PDE4A: variants seen among roughly 807,000 people sequenced by gnomAD.
PDE4A encodes the protein 3',5'-cyclic-AMP phosphodiesterase 4A.
Under a neutral mutation model 73.9 loss-of-function variants are expected in PDE4A, and 21 were observed. The ratio of observed to expected loss-of-function variants is 0.28; its 90% CI spans 0.20 to 0.41. The LOEUF is 0.41. Among genes scored for constraint, PDE4A ranks in the 10% least tolerant of loss-of-function variants. PDE4A has a pLI of 1.00. For synonymous variants in PDE4A, 463 were observed against 505.4 expected, an observed-to-expected ratio of 0.92 and a Z score of 1.13; for missense variants, 958 against 1,211.4, an observed-to-expected ratio of 0.79 and a Z score of 3.10.
intron 1 of PDE4A, chr19:10,431,204 A>G: frequency 1.4e-6 from 1 of 709,288 alleles, no homozygotes; most frequent in Non-Finnish European, 2.1e-6. Flanking sequence ...GTCACATAGC[A>G]GCGATCAAAA....
At position 10,459,712 on chromosome 19, in the gene PDE4A, G is replaced by A. The variant is rs1371888686; in HGVS notation, c.1318G>A (p.Asp440Asn). The A allele has an allele frequency of 1.9e-6, 3 of 1,614,018 alleles. No individual in the cohort carries two copies. Among genetic ancestry groups the A allele is most frequent in the Non-Finnish European group, 1.7e-6 (2 of 1,180,020 alleles). Reference sequence around the variant, plus strand: ...CTACCATAACAGCCTGCACGCAGCTGACGTGCTGCAGTCCACCCACGTACT... The same window carrying A: ...CTACCATAACAGCCTGCACGCAGCTAACGTGCTGCAGTCCACCCACGTACT... ...VAYHNSLHAA[D>N]VLQSTHVLLA... Residue 440 changes from aspartate to asparagine, a missense_variant, in exon 10 of 15, where the codon GAC becomes AAC. By Grantham distance (23) the Asp-to-Asn change is conservative. This residue lies in a region of PDE4A where 570 missense variants were observed against 827.7 expected (regional missense o/e 0.69). Coordinates refer to ENST00000380702, the MANE Select transcript of PDE4A (RefSeq NM_001111307.2).
intron 1 of PDE4A, among the ~76,000 whole-genome samples, chr19:10,440,093 TCC>T (rs1391156864): frequency 1.8e-4 from 27 of 147,266 alleles, no homozygotes; most frequent in African/African-American, 6.7e-4. Context: ...CAAGCAATTC[TCC>T]TGCCTCAGCC....
intron 2 of PDE4A, 155 bp from the exon 3 acceptor site, chr19:10,448,762 C>T (rs2043048671): frequency 1.1e-6 from 1 of 945,530 alleles, no homozygotes; most frequent in African/African-American, 1.8e-5. Context: ...GCCCTGGACA[C>T]ATATCCACCC....
intron 2 of PDE4A, among the ~76,000 whole-genome samples, chr19:10,446,950 G>C (rs113882763): frequency 0.028 from 4,182 of 146,956 alleles, 192 homozygotes; most frequent in African/African-American, 0.1. Context: ...CCAGGCTGGA[G>C]TGCAGTGGTG....
chr19:10,466,128 C>G (rs950523720), intron 14 of PDE4A, among the ~76,000 whole-genome samples: 34 of 150,554 alleles, frequency 2.3e-4, no homozygotes, highest in Non-Finnish European at 3.5e-4. Flanking sequence ...CTCAGCCTCC[C>G]GAGTAGCTGG....
chr19:10,455,877 C>T (rs1430956737), intron 7 of PDE4A, among the ~76,000 whole-genome samples: 1 of 151,992 alleles, frequency 6.6e-6, no homozygotes. Context: ...ACTCAGTAGA[C>T]ACACCCAAAC....
upstream of PDE4A, chr19:10,418,750 A>G: frequency 6.1e-6 from 6 of 984,780 alleles, no homozygotes; most frequent in Non-Finnish European, 4.8e-6. Flanking sequence ...CCCACCTCAC[A>G]TTACGCACTC....
intron 1 of PDE4A, among the ~76,000 whole-genome samples, chr19:10,438,116 CTT>C (rs767841992): frequency 8.4e-5 from 11 of 130,704 alleles, no homozygotes; most frequent in Admixed American, 2.3e-4. Context: ...GCCTCCAAGA[CTT>C]TTTTTTTTTT....
Position 10,439,865 on chromosome 19 carries a change from A to T in PDE4A, c.321-6353A>T, listed in dbSNP as rs1344425062. 3.9e-5 allele frequency among the ~76,000 whole-genome samples: 6 copies of T among 152,204 alleles called. No individual in the cohort carries two copies. In the East Asian group the frequency reaches 1.2e-3, roughly 29 times the overall value. On this transcript the variant is annotated intron_variant, in intron 1 of 14. Coordinates refer to ENST00000380702, the MANE Select transcript of PDE4A (RefSeq NM_001111307.2). ...TCCTGGAGAGAAGGTGGCTCAGGAC[A>T]CAGCTGTCCCCAAAATACCCTCCTT...
chr19:10,433,844 C>T (rs577618361), intron 1 of PDE4A, among the ~76,000 whole-genome samples: 8 of 152,314 alleles, frequency 5.3e-5, no homozygotes, highest in South Asian at 2.1e-4. Flanking sequence ...TGGAAAAGCA[C>T]GGGGAGCCGG....
In PDE4A at chr19:10,467,634, T is replaced by C; in HGVS notation, c.*13T>C. ...AGACCCTACCTGATCCCCAGACCTC[T>C]GTCCCTGTTCCCCTCCACTCCTCCC... On this transcript the variant is annotated 3_prime_UTR_variant, in exon 15 of 15. Transcript: ENST00000380702. 1 of 1,534,126 alleles carries C rather than the reference T, an allele frequency of 6.5e-7. No individual in the cohort carries two copies. The highest frequency in any genetic ancestry group is 1.3e-5 in the South Asian group (1 of 78,936).
chr19:10,461,617 C>T lies in PDE4A; in HGVS notation c.1557C>T (p.Cys519=), dbSNP rs1472671935. The T allele has an allele frequency of 1.9e-6, 3 of 1,612,870 alleles. No homozygotes were observed. In the South Asian group the frequency reaches 3.3e-5, roughly 18 times the overall value. The change falls in exon 12 of 15, where the codon TGC becomes TGT. Residue 519 remains cysteine (C), a synonymous_variant. Coordinates refer to ENST00000380702, the MANE Select transcript of PDE4A (RefSeq NM_001111307.2). ...VGFKLLQEDN[C]DIFQNLSKRQ... ...TCAAGCTGCTGCAGGAGGACAACTG[C>T]GACATCTTCCAGAACCTCAGCAAGC... is the stretch of plus-strand genomic sequence containing the variant.
chr19:10,427,947 A>G, intron 1 of PDE4A: 1 of 587,826 alleles, frequency 1.7e-6, no homozygotes, highest in Non-Finnish European at 2.1e-6. Flanking sequence ...GTGAGCCAAT[A>G]TCATGTCACT....
intron 1 of PDE4A, among the ~76,000 whole-genome samples, chr19:10,428,356 TCGAG>T (rs1568365513): frequency 2.1e-5 from 2 of 97,522 alleles, no homozygotes; most frequent in Non-Finnish European, 4.2e-5. Context: ...AGATCCTGTC[TCGAG>T]AGAGAGAGAG....
At chr19:10,418,917 G>A (rs1236611300), upstream of PDE4A, 2 of 984,922 alleles carry the variant, frequency 2.0e-6, no homozygotes, top group Non-Finnish European at 2.4e-6. Flanking sequence ...GTTCCTGAGA[G>A]AAGTGGGGAA....
At chr19:10,435,017 C>T (rs981698331) in intron 1 of PDE4A, among the ~76,000 whole-genome samples, 4 of 151,702 alleles carry the variant, frequency 2.6e-5, no homozygotes, top group East Asian at 3.9e-4. Flanking sequence ...GCATGAGCCA[C>T]GGCGCCTGGC....
chr19:10,434,889 C>CTTTT (rs377462932), intron 1 of PDE4A, among the ~76,000 whole-genome samples: 38 of 107,202 alleles, frequency 3.5e-4, no homozygotes, highest in African/African-American at 5.6e-4. Flanking sequence ...CTGTGCCCAG[C>CTTTT]TTTTTTTTTT....
intron 7 of PDE4A, among the ~76,000 whole-genome samples, chr19:10,456,537 A>G (rs1568380154): frequency 6.7e-5 from 10 of 150,368 alleles, no homozygotes. Flanking sequence ...AAAAAAAAAT[A>G]AATAAATAAA....
intron 1 of PDE4A, chr19:10,427,993 C>T (rs1422307221): frequency 1.9e-5 from 2 of 107,984 alleles, no homozygotes; most frequent in Non-Finnish European, 1.7e-5. Context: ...GAGACCCTGT[C>T]AAAAAAAAAA....
Sources: gnomAD v4.1 joint callset for allele counts (sites outside exome capture counted in the v4.1 genomes callset) on GRCh38, gnomAD v4.1.1 for gene constraint, gnomAD v4.1.1 regional missense constraint, MANE v1.5 for transcripts, NCBI Gene and HGNC (gene_info 2026-07-23, HGNC 2026-07-21) for gene names.